PCDH15: variants seen among roughly 807,000 people sequenced by gnomAD.
PCDH15 encodes the protein protocadherin-15.
In PCDH15, 129 loss-of-function variants were observed where a neutral mutation model predicts 178.5. The ratio of observed to expected loss-of-function variants is 0.72; its 90% CI spans 0.63 to 0.84. The LOEUF is 0.84. Among genes scored for constraint, PCDH15 ranks in the 40% least tolerant of loss-of-function variants. The pLI is 0.00. For synonymous variants in PCDH15, 800 were observed against 732.0 expected (o/e 1.09, Z -1.50); for missense variants, 2,230 against 2,099.9 (o/e 1.06, Z -1.21).
At chr10:54,942,132 C>T (rs922230252) in intron 2 of PCDH15, among the ~76,000 whole-genome samples, 4 of 151,856 alleles carry the variant, frequency 2.6e-5, no homozygotes, top group Non-Finnish European at 5.9e-5. Context: ...CTGTGCTCTT[C>T]GGTCTACACT....
chr10:54,704,136 C>A (rs2132271131), intron 1 of PCDH15, among the ~76,000 whole-genome samples: 1 of 152,106 alleles, frequency 6.6e-6, no homozygotes, highest in South Asian at 2.1e-4. Flanking sequence ...ATATAAAACT[C>A]AAAACTTTAG....
At chr10:54,933,257 T>G (rs1190779189) in intron 2 of PCDH15, among the ~76,000 whole-genome samples, 2 of 152,182 alleles carry the variant, frequency 1.3e-5, no homozygotes, top group Admixed American at 1.3e-4. Context: ...TGATTGTGAT[T>G]AATTGCCCTC....
chr10:54,683,876 T>A (rs1233799960), intron 1 of PCDH15, among the ~76,000 whole-genome samples: 1 of 152,078 alleles, frequency 6.6e-6, no homozygotes, highest in Non-Finnish European at 1.5e-5. Flanking sequence ...GTTTTTCCTT[T>A]GCAAAATGTT....
intron 15 of PCDH15, among the ~76,000 whole-genome samples, chr10:54,099,941 G>A (rs75877822): frequency 0.032 from 4,925 of 152,192 alleles, 104 homozygotes; most frequent in South Asian, 0.081. Flanking sequence ...GAACTAGCAT[G>A]TATCCCTAGA....
chr10:53,886,376 GTTAGAC>G (rs943213988), intron 26 of PCDH15, among the ~76,000 whole-genome samples: 5 of 151,966 alleles, frequency 3.3e-5, no homozygotes, highest in Non-Finnish European at 1.5e-5. Context: ...TTGGAAAACG[GTTAGAC>G]TTAAATATAT....
At chr10:54,009,575 G>A (rs995070971) in intron 20 of PCDH15, among the ~76,000 whole-genome samples, 1 of 152,182 alleles carries the variant, frequency 6.6e-6, no homozygotes, top group Non-Finnish European at 1.5e-5. Context: ...AGAAAGGCTG[G>A]CGAGTGGACA....
At position 55,589,631 on chromosome 10, in the gene PCDH15, C is replaced by T. The variant is rs572381099; in HGVS notation, c.-156+37994G>A. Reference sequence around the variant, plus strand: ...CAAATTTACAAGAAAAAACAAACAACCCCATCAAAAAATGGGCGAAGGATA... The same window carrying T: ...CAAATTTACAAGAAAAAACAAACAATCCCATCAAAAAATGGGCGAAGGATA... On this transcript the variant is annotated intron_variant, in intron 2 of 5. Coordinates refer to the PCDH15 transcript ENST00000613346. Among the ~76,000 whole-genome samples, 471 of 152,212 alleles carry T rather than the reference C, an allele frequency of 3.1e-3. 1 individual carries two copies. The highest frequency in any genetic ancestry group is 0.01 in the African/African-American group (432 of 41,538).
At chr10:54,463,006 A>C (rs2077293669) in intron 3 of PCDH15, among the ~76,000 whole-genome samples, 1 of 152,162 alleles carries the variant, frequency 6.6e-6, no homozygotes, top group Admixed American at 6.6e-5. Context: ...GCTTAACAGT[A>C]GAGTCCACAC....
chr10:54,520,742 C>T (rs547799163), intron 3 of PCDH15, among the ~76,000 whole-genome samples: 1 of 151,286 alleles, frequency 6.6e-6, no homozygotes, highest in East Asian at 1.9e-4. Flanking sequence ...ATAAATCATG[C>T]TGCTATAAAG....
At chr10:54,242,130 T>C (rs10563186) in intron 8 of PCDH15, among the ~76,000 whole-genome samples, 3 of 31,686 alleles carry the variant, frequency 9.5e-5, no homozygotes, top group South Asian at 1.3e-3. Flanking sequence ...AATTCTATTT[T>C]TATATATATA....
chr10:55,015,506 C>G (rs1840151043), intron 2 of PCDH15, among the ~76,000 whole-genome samples: 1 of 152,080 alleles, frequency 6.6e-6, no homozygotes, highest in African/African-American at 2.4e-5. Flanking sequence ...CTTAGGAAGT[C>G]CAGTCAAAAA....
chr10:54,939,160 T>G (rs1837988075), intron 2 of PCDH15, among the ~76,000 whole-genome samples: 1 of 152,064 alleles, frequency 6.6e-6, no homozygotes, highest in Non-Finnish European at 1.5e-5. Flanking sequence ...TTGAGTCAGT[T>G]TCAGTAGTTT....
intron 2 of PCDH15, among the ~76,000 whole-genome samples, chr10:54,904,680 GAAAT>G (rs1373658292): frequency 1.3e-5 from 2 of 151,898 alleles, no homozygotes; most frequent in African/African-American, 4.8e-5. Flanking sequence ...GGAAAGACTA[GAAAT>G]AAACTACCAA....
At chr10:53,997,344 A>G (rs1796687326) in intron 20 of PCDH15, among the ~76,000 whole-genome samples, 1 of 152,120 alleles carries the variant, frequency 6.6e-6, no homozygotes, top group Admixed American at 6.5e-5. Context: ...AAACATTAGC[A>G]TTCACACATT....
At chr10:53,846,979 A>T (rs769796368) in intron 28 of PCDH15, among the ~76,000 whole-genome samples, 10 of 152,046 alleles carry the variant, frequency 6.6e-5, no homozygotes, top group Non-Finnish European at 1.3e-4. Context: ...CCTAAGAGGC[A>T]GTGTAACAGA....
intron 1 of PCDH15, among the ~76,000 whole-genome samples, chr10:54,680,692 C>G (rs2094883539): frequency 6.6e-6 from 1 of 152,130 alleles, no homozygotes; most frequent in African/African-American, 2.4e-5. Flanking sequence ...AGATCTGGTT[C>G]TATAAATGGG....
intron 11 of PCDH15, among the ~76,000 whole-genome samples, chr10:54,191,874 T>C (rs371702357): frequency 1.5e-4 from 22 of 150,180 alleles, no homozygotes; most frequent in African/African-American, 4.2e-4. Context: ...TGAGCCTGGA[T>C]TGTGACGCTG....
At chr10:54,704,315 A>G (rs1490633433) in intron 1 of PCDH15, among the ~76,000 whole-genome samples, 1 of 152,096 alleles carries the variant, frequency 6.6e-6, no homozygotes. Flanking sequence ...AGACTTTGAT[A>G]GTTTGAACTT....
chr10:55,430,477 T>C (rs1838856844), intron 2 of PCDH15, among the ~76,000 whole-genome samples: 1 of 152,180 alleles, frequency 6.6e-6, no homozygotes, highest in Non-Finnish European at 1.5e-5. Flanking sequence ...TGAACCTCAT[T>C]GTTGTTTAGC....
Sources: allele counts gnomAD v4.1 joint callset (sites outside exome capture counted in the v4.1 genomes callset), GRCh38; gene constraint gnomAD v4.1.1; transcripts MANE v1.5; gene names NCBI Gene and HGNC (gene_info 2026-07-23, HGNC 2026-07-21).